The following ALOX5AP variants were observed in gnomAD, a reference collection of about 807,000 sequenced individuals.
ALOX5AP encodes arachidonate 5-lipoxygenase activating protein.
A neutral mutation model predicts 18.5 loss-of-function variants in ALOX5AP; 9 were observed. The ratio of observed to expected loss-of-function variants is 0.49; its 90% CI spans 0.29 to 0.85. The LOEUF (loss-of-function observed/expected upper bound fraction) is 0.85, where lower values mean the gene tolerates loss of function less well. ALOX5AP is among the 40% of genes least tolerant of loss of function. The pLI, the probability that ALOX5AP is intolerant of heterozygous loss-of-function variation, is 0.08. For missense variants in ALOX5AP, 172 were observed against 202.5 expected, an observed-to-expected ratio of 0.85 and a Z score of 0.91; for synonymous variants, 81 against 78.6, an observed-to-expected ratio of 1.03 and a Z score of -0.16.
chr13:30,751,495 G>A (rs1566087450), intron 2 of ALOX5AP, among the ~76,000 whole-genome samples: 1 of 152,228 alleles, frequency 6.6e-6, no homozygotes, highest in Admixed American at 6.5e-5. Flanking sequence ...TCCAGGGAGT[G>A]AGGACTGTGC....
intron 1 of ALOX5AP, among the ~76,000 whole-genome samples, chr13:30,724,508 T>A (rs992767908): frequency 6.6e-6 from 1 of 152,190 alleles, no homozygotes; most frequent in Non-Finnish European, 1.5e-5. Context: ...AAGACACAAC[T>A]GACATGATGG....
At chr13:30,758,797 C>T (rs1005627705) in intron 4 of ALOX5AP, among the ~76,000 whole-genome samples, 2 of 151,054 alleles carry the variant, frequency 1.3e-5, no homozygotes, top group Admixed American at 6.6e-5. Flanking sequence ...CCTTCCCTTC[C>T]CTTCCCTCCC....
At chr13:30,757,152 CTCTG>C (rs1566089203) in intron 4 of ALOX5AP, among the ~76,000 whole-genome samples, 1 of 152,144 alleles carries the variant, frequency 6.6e-6, no homozygotes, top group Non-Finnish European at 1.5e-5. Context: ...TTCACAGCCG[CTCTG>C]TCTTTTACAA....
intron 1 of ALOX5AP, chr13:30,713,974 C>A: frequency 1.1e-6 from 1 of 926,714 alleles, no homozygotes; most frequent in Non-Finnish European, 1.6e-6. Context: ...TATTGGGCAG[C>A]TAGAGTGGCC....
At chr13:30,719,253 T>C (rs1004471581) in intron 1 of ALOX5AP, among the ~76,000 whole-genome samples, 8 of 152,196 alleles carry the variant, frequency 5.3e-5, no homozygotes, top group African/African-American at 1.9e-4. Flanking sequence ...CTGGTATACC[T>C]AGAAAACATT....
chr13:30,739,815 C>A (rs186273623), intron 1 of ALOX5AP, among the ~76,000 whole-genome samples: 1 of 152,204 alleles, frequency 6.6e-6, no homozygotes, highest in Non-Finnish European at 1.5e-5. Context: ...GGTCAGGAGT[C>A]GTGAAGCTGG....
In ALOX5AP at chr13:30,764,012, T is replaced by G; in HGVS notation, c.392T>G (p.Phe131Cys). The G allele has an allele frequency of 6.2e-7, 1 of 1,614,182 alleles. No individual in the cohort carries two copies. The highest frequency in any genetic ancestry group is 8.5e-7 in the Non-Finnish European group (1 of 1,180,002). The change falls in exon 5 of 5, where the codon TTC becomes TGC. Residue 131 changes from phenylalanine (F) to cysteine (C), a missense_variant. By Grantham distance (205) the Phe-to-Cys change is radical. Transcript: ENST00000380490. ...TTCCTCATGTCCGTTGCTGGCATAT[T>G]CAACTATTACCTCATCTTCTTTTTC... ...FLFLMSVAGI[F>C]NYYLIFFFGS... is the part of the protein sequence containing the mutation.
chr13:30,729,986 G>C (rs1189536707), intron 1 of ALOX5AP, among the ~76,000 whole-genome samples: 5 of 152,234 alleles, frequency 3.3e-5, no homozygotes, highest in Non-Finnish European at 7.3e-5. Context: ...GTGTGAGTTT[G>C]TGATGGGAAA....
chr13:30,713,693 T>C (rs1307428381), exon 1 of ALOX5AP: 48 of 1,415,574 alleles, frequency 3.4e-5, no homozygotes, highest in Non-Finnish European at 4.5e-5. Context: ...GACTTCACTG[T>C]GAACCAGGCT....
chr13:30,763,170 T>C (rs535143455), intron 4 of ALOX5AP, among the ~76,000 whole-genome samples: 2 of 151,708 alleles, frequency 1.3e-5, no homozygotes, highest in African/African-American at 4.8e-5. Context: ...TAGCTGGGAG[T>C]GGTGGCGTGC....
intron 4 of ALOX5AP, among the ~76,000 whole-genome samples, chr13:30,762,233 C>T (rs1034085582): frequency 6.6e-6 from 1 of 152,204 alleles, no homozygotes; most frequent in South Asian, 2.1e-4. Context: ...ACGGACCATA[C>T]TTTGAGTAGC....
chr13:30,752,608 T>C (rs1309305143), intron 3 of ALOX5AP, among the ~76,000 whole-genome samples: 1 of 152,136 alleles, frequency 6.6e-6, no homozygotes, highest in Non-Finnish European at 1.5e-5. Context: ...CTTGAGCAAG[T>C]TGGAAAGACA....
intron 1 of ALOX5AP, among the ~76,000 whole-genome samples, chr13:30,725,758 A>T (rs901343876): frequency 3.9e-5 from 6 of 152,330 alleles, no homozygotes; most frequent in Admixed American, 2.6e-4. Flanking sequence ...AATTTCAACC[A>T]CCATTGCTTC....
chr13:30,759,767 A>C (rs1301594960), intron 4 of ALOX5AP, among the ~76,000 whole-genome samples: 1 of 152,142 alleles, frequency 6.6e-6, no homozygotes, highest in African/African-American at 2.4e-5. Flanking sequence ...GCATAGATGG[A>C]TATCAAGGCT....
intron 1 of ALOX5AP, among the ~76,000 whole-genome samples, chr13:30,714,141 G>A (rs1671923619): frequency 6.7e-6 from 1 of 149,596 alleles, no homozygotes; most frequent in Non-Finnish European, 1.5e-5. Context: ...GTAACTCCTA[G>A]CCCTGGCTCT....
intron 1 of ALOX5AP, chr13:30,713,988 G>A: frequency 1.2e-6 from 1 of 819,330 alleles, no homozygotes; most frequent in Non-Finnish European, 1.9e-6. Flanking sequence ...AGTGGCCCCA[G>A]GATCTATATC....
At chr13:30,744,501 T>C (rs946833833) in intron 2 of ALOX5AP, 4 of 186,402 alleles carry the variant, frequency 2.1e-5, no homozygotes, top group South Asian at 1.0e-4. Context: ...ACACCAGCCA[T>C]GACTCACCAG....
chr13:30,747,755 T>A (rs1951820652), intron 2 of ALOX5AP, among the ~76,000 whole-genome samples: 1 of 152,214 alleles, frequency 6.6e-6, no homozygotes, highest in South Asian at 2.1e-4. Context: ...GTATTCTGAT[T>A]CTTGGTTTTC....
chr13:30,734,093 A>AAT (rs774536992), upstream of ALOX5AP, among the ~76,000 whole-genome samples: 7 of 152,096 alleles, frequency 4.6e-5, no homozygotes, highest in East Asian at 3.9e-4. Context: ...ATAAATCTGC[A>AAT]ATATATATAT....
Sources: gnomAD v4.1 joint callset for allele counts (sites outside exome capture counted in the v4.1 genomes callset) on GRCh38, gnomAD v4.1.1 for gene constraint, MANE v1.5 for transcripts, NCBI Gene and HGNC (gene_info 2026-07-23, HGNC 2026-07-21) for gene names.